KLF8: variants seen among roughly 807,000 people sequenced by gnomAD.
KLF8 encodes Krueppel-like factor 8.
Under a neutral mutation model 18.2 loss-of-function variants are expected in KLF8, and 10 were observed. The observed-to-expected ratio is 0.55, with a 90% confidence interval of 0.34 to 0.93. The LOEUF (loss-of-function observed/expected upper bound fraction) is 0.93, where lower values mean the gene tolerates loss of function less well. Among genes scored for constraint, KLF8 ranks in the 40% least tolerant of loss-of-function variants. The pLI, the probability that KLF8 is intolerant of heterozygous loss-of-function variation, is 0.02. For synonymous variants in KLF8, 109 were observed against 97.3 expected (o/e 1.12, Z -0.71); for missense variants, 264 against 277.9 (o/e 0.95, Z 0.36).
the KLF8 span, among the ~76,000 whole-genome samples, chrX:55,963,040 C>G: frequency 2.7e-5 from 3 of 112,171 alleles, no homozygotes; most frequent in Admixed American, 2.8e-4. Flanking sequence ...TGTTTTCTGT[C>G]TTATTTAAGA....
At chrX:56,085,718 C>A in the KLF8 span, among the ~76,000 whole-genome samples, 1 of 112,208 alleles carries the variant, frequency 8.9e-6, no homozygotes, top group African/African-American at 3.2e-5. Flanking sequence ...AAGAAAAACA[C>A]ACATGCAATA....
the KLF8 span, among the ~76,000 whole-genome samples, chrX:56,227,161 T>C: frequency 4.5e-5 from 5 of 111,512 alleles, no homozygotes; most frequent in Non-Finnish European, 9.4e-5. Context: ...CACCCCTCTG[T>C]TGGGGAAGTG....
the KLF8 span, among the ~76,000 whole-genome samples, chrX:56,223,979 C>T: frequency 9.1e-6 from 1 of 110,090 alleles, no homozygotes; most frequent in Admixed American, 9.7e-5. Flanking sequence ...CTATATTGTC[C>T]AGGCAGGTCT....
the KLF8 span, among the ~76,000 whole-genome samples, chrX:56,194,917 G>A: frequency 7.1e-5 from 8 of 112,351 alleles, no homozygotes; most frequent in South Asian, 3.7e-4. Context: ...TGCAGCCTCC[G>A]CTGGTGATAC....
At chrX:56,098,345 T>C in the KLF8 span, among the ~76,000 whole-genome samples, 3 of 111,805 alleles carry the variant, frequency 2.7e-5, no homozygotes, top group South Asian at 7.4e-4. Flanking sequence ...CTTAGACACC[T>C]AGCCAATGTG....
the KLF8 span, among the ~76,000 whole-genome samples, chrX:56,181,999 T>G: frequency 8.9e-6 from 1 of 111,746 alleles, no homozygotes; most frequent in African/African-American, 3.3e-5. Flanking sequence ...TGAATTTGAA[T>G]GTTGGCCTGC....
the KLF8 span, among the ~76,000 whole-genome samples, chrX:56,062,768 G>C: frequency 1.8e-4 from 20 of 111,087 alleles, no homozygotes; most frequent in East Asian, 5.4e-3. Context: ...TTTCCAACTT[G>C]GTTCCATTCT....
At chrX:56,193,992 G>A in the KLF8 span, among the ~76,000 whole-genome samples, 4 of 111,769 alleles carry the variant, frequency 3.6e-5, no homozygotes, top group Non-Finnish European at 7.5e-5. Flanking sequence ...GCAACACAAA[G>A]GAAAAAATGC....
At chrX:56,206,393 A>C in the KLF8 span, among the ~76,000 whole-genome samples, 9 of 112,096 alleles carry the variant, frequency 8.0e-5, no homozygotes, top group African/African-American at 2.9e-4. Flanking sequence ...GTAAAATCAA[A>C]AGCTAGTTAG....
chrX:56,209,719 C>A, the KLF8 span, among the ~76,000 whole-genome samples: 1 of 111,407 alleles, frequency 9.0e-6, no homozygotes, highest in Non-Finnish European at 1.9e-5. Context: ...TACCTTCTTT[C>A]TTTCCTTTCT....
the KLF8 span, among the ~76,000 whole-genome samples, chrX:56,003,268 G>A: frequency 1.0e-4 from 11 of 110,403 alleles, no homozygotes; most frequent in African/African-American, 3.6e-4. Flanking sequence ...CAAAAAACTG[G>A]GCATCGTGGT....
At chrX:56,064,584 C>A in the KLF8 span, among the ~76,000 whole-genome samples, 24 of 111,301 alleles carry the variant, frequency 2.2e-4, no homozygotes, top group African/African-American at 7.8e-4. Context: ...TTTATATATT[C>A]TTTGTTTCTT....
At chrX:56,084,813 G>C in the KLF8 span, among the ~76,000 whole-genome samples, 2 of 111,443 alleles carry the variant, frequency 1.8e-5, no homozygotes, top group African/African-American at 6.5e-5. Flanking sequence ...ACACATGAAG[G>C]AAAAAAAGTG....
At chrX:56,026,014 C>T in the KLF8 span, among the ~76,000 whole-genome samples, 3 of 112,288 alleles carry the variant, frequency 2.7e-5, no homozygotes, top group South Asian at 3.7e-4. Context: ...CCTCATGCTT[C>T]GGCCGTGCGT....
the KLF8 span, among the ~76,000 whole-genome samples, chrX:56,042,887 G>A: frequency 9.0e-6 from 1 of 111,575 alleles, no homozygotes; most frequent in Non-Finnish European, 1.9e-5. Flanking sequence ...TTACTTTGCA[G>A]ACTTCTTTAT....
chrX:55,978,468 C>T, the KLF8 span, among the ~76,000 whole-genome samples: 2 of 111,894 alleles, frequency 1.8e-5, no homozygotes, highest in Non-Finnish European at 3.8e-5. Flanking sequence ...TGTATGCCAG[C>T]ACATGTTTTC....
the KLF8 span, among the ~76,000 whole-genome samples, chrX:55,981,110 T>A: frequency 8.9e-6 from 1 of 112,020 alleles, no homozygotes; most frequent in Non-Finnish European, 1.9e-5. Context: ...GGGGAATGGC[T>A]TGAACCCGGG....
At chrX:55,967,609 TAGAG>T in the KLF8 span, among the ~76,000 whole-genome samples, 1 of 111,486 alleles carries the variant, frequency 9.0e-6, no homozygotes. Flanking sequence ...CAAGAAATGA[TAGAG>T]AGAATTCTGC....
the KLF8 span, among the ~76,000 whole-genome samples, chrX:55,992,472 C>T: frequency 1.8e-5 from 2 of 111,790 alleles, no homozygotes; most frequent in Non-Finnish European, 3.8e-5. Flanking sequence ...CGTTTTTGTG[C>T]CAGTACCATG....
Sources: allele counts gnomAD v4.1 joint callset (sites outside exome capture counted in the v4.1 genomes callset), GRCh38; gene constraint gnomAD v4.1.1; transcripts MANE v1.5; gene names NCBI Gene and HGNC (gene_info 2026-07-23, HGNC 2026-07-21).